The following GPHN variants were observed in gnomAD, a reference collection of about 807,000 sequenced individuals.
The protein encoded by GPHN is gephyrin.
In GPHN, 17 loss-of-function variants were observed where a neutral mutation model predicts 95.5. The observed-to-expected ratio is 0.18, with a 90% CI of 0.12 to 0.27. GPHN has a LOEUF of 0.27. Ranked by LOEUF, GPHN falls within the 10% of genes least tolerant of loss-of-function variation. The pLI, the probability that GPHN is intolerant of heterozygous loss-of-function variation, is 1.00. For missense variants in GPHN, 660 were observed against 978.1 expected (o/e 0.67, Z 4.34); for synonymous variants, 320 against 322.5 (o/e 0.99, Z 0.08).
At chr14:66,692,540 G>C (rs140004173) in intron 2 of GPHN, among the ~76,000 whole-genome samples, 1 of 152,122 alleles carries the variant, frequency 6.6e-6, no homozygotes, top group Non-Finnish European at 1.5e-5. Context: ...AATTATCCTG[G>C]CTCCTCTATA....
chr14:66,841,900 G>GAA (rs2062103415), intron 4 of GPHN, among the ~76,000 whole-genome samples: 1 of 151,800 alleles, frequency 6.6e-6, no homozygotes, highest in Admixed American at 6.6e-5. Flanking sequence ...GAAAAGAAAA[G>GAA]AAAAAAGCCA....
chr14:67,095,497 C>T lies in GPHN; in HGVS notation c.1238-5359C>T, dbSNP rs199966189. 2.6e-3 allele frequency among the ~76,000 whole-genome samples: 402 copies of T among 152,218 alleles called. 6 individuals carry two copies. The East Asian group carries it at 0.046, about 17-fold the overall frequency. On this transcript the variant is annotated intron_variant, in intron 12 of 22. Coordinates refer to ENST00000478722, the MANE Select transcript of GPHN (RefSeq NM_020806.5). ...ATGCACACGTATGTTTATTGTGGCA[C>T]TATTCACAATAGCAAAGACTTGGAA...
At chr14:67,464,632 C>A in the GPHN span, among the ~76,000 whole-genome samples, 1 of 152,232 alleles carries the variant, frequency 6.6e-6, no homozygotes, top group Non-Finnish European at 1.5e-5. Flanking sequence ...CTCCCTGCAC[C>A]TTCACAGGGG....
At chr14:67,482,058 T>G in the GPHN span, among the ~76,000 whole-genome samples, 3 of 152,164 alleles carry the variant, frequency 2.0e-5, no homozygotes, top group South Asian at 6.2e-4. Context: ...CCGAGAGTCC[T>G]CATACCTGAT....
At chr14:66,557,102 G>C (rs2060031893) in intron 1 of GPHN, among the ~76,000 whole-genome samples, 1 of 152,094 alleles carries the variant, frequency 6.6e-6, no homozygotes, top group Admixed American at 6.6e-5. Flanking sequence ...AGTTACTCAG[G>C]AGGCTGAGGC....
the GPHN span, chr14:67,279,373 G>A: frequency 1.2e-5 from 19 of 1,613,750 alleles, no homozygotes; most frequent in Middle Eastern, 1.6e-4. Flanking sequence ...GACATGAGGC[G>A]TAGGAGAGAG....
chr14:66,804,817 C>T (rs941362126), intron 3 of GPHN, among the ~76,000 whole-genome samples: 4 of 152,134 alleles, frequency 2.6e-5, no homozygotes, highest in Non-Finnish European at 5.9e-5. Flanking sequence ...CCACTTGTTA[C>T]AGTAAAAGTA....
intron 1 of GPHN, among the ~76,000 whole-genome samples, chr14:66,583,464 T>C (rs2061285124): frequency 6.6e-6 from 1 of 152,132 alleles, no homozygotes; most frequent in South Asian, 2.1e-4. Flanking sequence ...CTTGCCCATG[T>C]CTGTGTCCTG....
intron 4 of GPHN, among the ~76,000 whole-genome samples, chr14:66,862,797 A>G (rs1425249500): frequency 6.6e-6 from 1 of 152,144 alleles, no homozygotes; most frequent in Non-Finnish European, 1.5e-5. Flanking sequence ...AAAATCCTCA[A>G]AAAAACTGGG....
chr14:66,831,767 C>G (rs1299046029), intron 4 of GPHN, among the ~76,000 whole-genome samples: 2 of 152,128 alleles, frequency 1.3e-5, no homozygotes, highest in Non-Finnish European at 2.9e-5. Flanking sequence ...TAAAAATAGT[C>G]AATAATAACA....
the GPHN span, among the ~76,000 whole-genome samples, chr14:67,328,799 A>T: frequency 6.6e-6 from 1 of 151,980 alleles, no homozygotes; most frequent in African/African-American, 2.4e-5. Context: ...GATGTGTGGT[A>T]TTATTTCTGA....
the GPHN span, among the ~76,000 whole-genome samples, chr14:67,317,740 C>A: frequency 6.6e-6 from 1 of 152,180 alleles, no homozygotes; most frequent in Non-Finnish European, 1.5e-5. Flanking sequence ...AAAAATTATA[C>A]TTCTAACAAA....
the GPHN span, among the ~76,000 whole-genome samples, chr14:67,260,995 C>T: frequency 1.3e-5 from 2 of 152,130 alleles, no homozygotes; most frequent in Non-Finnish European, 2.9e-5. Flanking sequence ...CAAGCAGACT[C>T]CAGGCCCTAG....
At chr14:67,634,979 C>A in the GPHN span, among the ~76,000 whole-genome samples, 11 of 152,162 alleles carry the variant, frequency 7.2e-5, no homozygotes, top group African/African-American at 2.7e-4. Context: ...CGCACGGTGG[C>A]TCACGCCTGT....
At chr14:66,857,723 T>C (rs2062858108) in intron 4 of GPHN, among the ~76,000 whole-genome samples, 1 of 152,142 alleles carries the variant, frequency 6.6e-6, no homozygotes, top group Admixed American at 6.5e-5. Context: ...GTACCTGGTT[T>C]TAACTTCATG....
chr14:66,891,944 A>T (rs2064533087), intron 5 of GPHN, among the ~76,000 whole-genome samples: 1 of 152,170 alleles, frequency 6.6e-6, no homozygotes. Context: ...CACACCCATT[A>T]CGTTGGCTGT....
At chr14:67,267,949 A>T in the GPHN span, among the ~76,000 whole-genome samples, 2 of 152,018 alleles carry the variant, frequency 1.3e-5, no homozygotes, top group Non-Finnish European at 2.9e-5. Context: ...CATTTTATCC[A>T]TTGTATTCTA....
chr14:67,280,849 TTCCTTCCCTCCCTCCC>T, the GPHN span, among the ~76,000 whole-genome samples: 3 of 101,524 alleles, frequency 3.0e-5, no homozygotes, highest in East Asian at 4.4e-4. Context: ...CCTTCCTTCC[TTCCTTCCCTCCCTCCC>T]TCCCTCCCTC....
chr14:67,637,011 C>A, the GPHN span, among the ~76,000 whole-genome samples: 26 of 152,188 alleles, frequency 1.7e-4, no homozygotes, highest in Non-Finnish European at 3.4e-4. Context: ...TTACACATTA[C>A]AATGTCTGCA....
Sources: allele counts gnomAD v4.1 joint callset (sites outside exome capture counted in the v4.1 genomes callset), GRCh38; gene constraint gnomAD v4.1.1; transcripts MANE v1.5; gene names NCBI Gene and HGNC (gene_info 2026-07-23, HGNC 2026-07-21).